Variants in MED12 observed in about 807,000 individuals in gnomAD.
MED12 encodes the protein mediator of RNA polymerase II transcription subunit 12.
A neutral mutation model predicts 177.7 loss-of-function variants in MED12; 10 were observed. The ratio of observed to expected loss-of-function variants is 0.06; its 90% confidence interval spans 0.03 to 0.10. The LOEUF is 0.10. Among genes scored for constraint, MED12 ranks in the 10% least tolerant of loss-of-function variants. The pLI is 1.00. For synonymous variants in MED12, 641 were observed against 678.4 expected (o/e 0.94, Z 0.86); for missense variants, 867 against 1,780.8 (o/e 0.49, Z 9.23).
intron 22 of MED12, 70 bp downstream of exon 22, chrX:71,128,190 G>T: frequency 8.4e-7 from 1 of 1,188,874 alleles, no homozygotes; most frequent in Non-Finnish European, 1.1e-6. Flanking sequence ...AGGTACCCGG[G>T]AGGTACTACA....
At chrX:71,135,321 A>G in intron 36 of MED12, 68 bp downstream of exon 36, 13 of 1,116,991 alleles carry the variant, frequency 1.2e-5, no homozygotes, top group Non-Finnish European at 1.4e-5. Context: ...TGCCTGCATC[A>G]GCTTTGTAGC....
chrX:71,127,192 T>G, intron 20 of MED12, 60 bp downstream of exon 20: 1 of 1,163,268 alleles, frequency 8.6e-7, no homozygotes, highest in Non-Finnish European at 1.2e-6. Context: ...GGAAGTGGCC[T>G]GGGAAGAGCA....
rs749587994 is a variant in MED12 at position 71,128,738 on chromosome X, C to A, written c.3475+20C>A. On this transcript the variant is annotated intron_variant, in intron 24 of 44. Transcript: ENST00000374080. ...ATGCTGGTGAACTACCAATCTGTAA[C>A]CCCTAGCATTTCTAGACCTCAAATT... The A allele has an allele frequency of 8.3e-7, 1 of 1,204,163 alleles. No homozygotes were observed. The highest frequency in any genetic ancestry group is 3.0e-5 in the East Asian group (1 of 33,843).
chrX:71,141,412 C>T (rs1313008209), intron 43 of MED12, 42 bp downstream of exon 43: 2 of 1,163,802 alleles, frequency 1.7e-6, no homozygotes, highest in African/African-American at 1.8e-5. Flanking sequence ...GACAGCTGCC[C>T]AGGTTGGGCA....
In MED12 at chrX:71,125,485, A is replaced by G; in HGVS notation, c.2361A>G (p.Thr787=). 2 of 1,211,198 alleles carry G rather than the reference A, an allele frequency of 1.7e-6. No homozygotes were observed. The highest frequency in any genetic ancestry group is 2.2e-6 in the Non-Finnish European group (2 of 895,116). The change falls in exon 16 of 45, where the codon ACA becomes ACG. Residue 787 remains threonine (T), a synonymous_variant. Coordinates refer to ENST00000374080, the MANE Select transcript of MED12 (RefSeq NM_005120.3). ...TGAAGGTTCTGAACCGCAAAGGGAC[A>G]GCAGAAACTGGTGGGTTTGAGGCTC... ...DILKVLNRKG[T]AETDQLAPIV...
chrX:71,123,632 C>A lies in MED12; in HGVS notation c.1656C>A (p.Ser552=). Reference sequence around the variant, plus strand: ...CAGAAGCCGCAGATGAGAAGGGTTCCATCGCCTCTGGCTCCCTTTCTGCTC... The same window carrying A: ...CAGAAGCCGCAGATGAGAAGGGTTCAATCGCCTCTGGCTCCCTTTCTGCTC... The part of the protein sequence containing the change: ...GESEAADEKG[S]IASGSLSAPS... Residue 552 remains serine, a synonymous_variant, in exon 12 of 45, where the codon TCC becomes TCA. Coordinates refer to ENST00000374080, the MANE Select transcript of MED12 (RefSeq NM_005120.3). 1.7e-6 allele frequency: 2 copies of A among 1,210,447 alleles called. No individual in the cohort carries two copies. Among genetic ancestry groups the A allele is most frequent in the Non-Finnish European group, 2.2e-6 (2 of 894,585 alleles).
chrX:71,121,837 A>C (rs975607823), intron 7 of MED12, 21 bp downstream of exon 7: 1 of 1,212,040 alleles, frequency 8.3e-7, no homozygotes, highest in Non-Finnish European at 1.1e-6. Context: ...GGCGGGCCCA[A>C]GGAAGCATTG....
rs769537760 is a variant in MED12 at position 71,123,730 on chromosome X, C to T, written c.1744+10C>T. On this transcript the variant is annotated intron_variant, in intron 12 of 44. Coordinates refer to ENST00000374080, the MANE Select transcript of MED12 (RefSeq NM_005120.3). ...CAGGCTCCCATGCTGAGTACGGACCCCTACCACTCTCTAGTTACCTCTGCC... is the reference window on the plus strand; with the variant it reads ...CAGGCTCCCATGCTGAGTACGGACCTCTACCACTCTCTAGTTACCTCTGCC... 5.9e-6 allele frequency: 7 copies of T among 1,186,942 alleles called. No homozygotes were observed. In the South Asian group the frequency reaches 9.2e-5, roughly 16 times the overall value.
chrX:71,132,141 A>G lies in MED12; in HGVS notation c.4188A>G (p.Thr1396=), dbSNP rs1362907106. 8.3e-7 allele frequency: 1 copy of G among 1,208,347 alleles called. No individual in the cohort carries two copies. The highest frequency in any genetic ancestry group is 3.0e-5 in the East Asian group (1 of 33,806). ...AGGTTTTCCAACAGTCAGCAGAGACAGGGTCATCTTCTGGAAGTACTGCAA... is the reference window on the plus strand; with the variant it reads ...AGGTTTTCCAACAGTCAGCAGAGACGGGGTCATCTTCTGGAAGTACTGCAA... The part of the protein sequence containing the change: ...TIEVFQQSAE[T]GSSSGSTASN... Residue 1396 remains threonine (T), a synonymous_variant, in exon 30 of 45, where the codon ACA becomes ACG. Coordinates refer to ENST00000374080, the MANE Select transcript of MED12 (RefSeq NM_005120.3).
At position 71,122,524 on chromosome X, in the gene MED12, G is replaced by A. The variant is rs752746769; in HGVS notation, c.1265G>A (p.Arg422Gln). 1.4e-5 allele frequency: 17 copies of A among 1,209,651 alleles called. No individual in the cohort carries two copies. The highest frequency in any genetic ancestry group is 2.3e-4 in the Middle Eastern group (1 of 4,359). The change falls in exon 9 of 45, where the codon CGG becomes CAG. Residue 422 changes from arginine (R) to glutamine (Q), a missense_variant. Transcript: ENST00000374080. ...ACATTGCAGGTCCGTGCAAAGTTGC[G>A]GGAGATCGAGCAGCAGATCAAGGAG... ...AFTQQVRAKLREIEQQIKERG... is the reference protein window; with the variant it reads ...AFTQQVRAKLQEIEQQIKERG...
At position 71,137,714 on chromosome X, in the gene MED12, T is replaced by C. The variant is rs1451715368; in HGVS notation, c.5827-12T>C. On this transcript the variant is annotated splice_polypyrimidine_tract_variant and intron_variant, in intron 40 of 44. Coordinates refer to ENST00000374080, the MANE Select transcript of MED12 (RefSeq NM_005120.3). ...TCTCGGCCCTGATTCCCTCTCTCCT[T>C]CTTCCCTCCAGGGCTATACTCCTTA... 2 of 1,207,257 alleles carry C rather than the reference T, an allele frequency of 1.7e-6. No homozygotes were observed. The highest frequency in any genetic ancestry group is 3.0e-5 in the East Asian group (1 of 33,699).
chrX:71,122,918 G>A (rs1347396357), intron 10 of MED12, 44 bp downstream of exon 10: 7 of 1,190,952 alleles, frequency 5.9e-6, no homozygotes, highest in Non-Finnish European at 8.0e-6. Context: ...CATTGCAAGA[G>A]CAATAATATG....
rs1569481100 is a variant in MED12 at position 71,122,805 on chromosome X, C to T, written c.1416C>T (p.Asp472=). The change falls in exon 10 of 45, where the codon GAC becomes GAT. Residue 472 remains aspartate (D), a synonymous_variant. Coordinates refer to ENST00000374080, the MANE Select transcript of MED12 (RefSeq NM_005120.3). ...VLDSHSFERS[D]FSNSLDSLCN... ...ACAGCCATAGTTTTGAACGCTCTGACTTCAGCAACTCTCTTGACTCCCTTT... is the reference window on the plus strand; with the variant it reads ...ACAGCCATAGTTTTGAACGCTCTGATTTCAGCAACTCTCTTGACTCCCTTT... The T allele has an allele frequency of 8.3e-7, 1 of 1,210,857 alleles. No individual in the cohort carries two copies. The highest frequency in any genetic ancestry group is 2.2e-5 in the Admixed American group (1 of 46,034).
Position 71,127,900 on chromosome X carries a change from T to G in MED12, c.2989T>G (p.Cys997Gly). The G allele has an allele frequency of 8.3e-7, 1 of 1,209,138 alleles. No homozygotes were observed. Among genetic ancestry groups the G allele is most frequent in the Non-Finnish European group, 1.1e-6 (1 of 893,260 alleles). Residue 997 changes from cysteine to glycine, a missense_variant, in exon 22 of 45, where the codon TGC becomes GGC. Physicochemically the swap from Cys to Gly is radical, Grantham distance 159. Around this residue, in one of 14 missense-constraint regions of MED12, gnomAD observed 70 missense variants for 143.6 expected, o/e 0.49. Transcript: ENST00000374080. Reference protein sequence around the residue: ...NKFGELFSDFCSKVKNTIYCN... With the variant: ...NKFGELFSDFGSKVKNTIYCN... ...TTTCCTCCATCCCTGCAGCGACTTTTGCTCAAAGGTGAAGAACACCATCTA... is the reference window on the plus strand; with the variant it reads ...TTTCCTCCATCCCTGCAGCGACTTTGGCTCAAAGGTGAAGAACACCATCTA...
rs1286622256 is a variant in MED12, at chrX:71,122,297, C to T, written c.1199C>T (p.Ala400Val). 8.3e-7 allele frequency: 1 copy of T among 1,211,639 alleles called. No individual in the cohort carries two copies. The highest frequency in any genetic ancestry group is 2.2e-5 in the Admixed American group (1 of 46,035). ...TCACCACTTGACCACTTGCCTATTG[C>T]CCCGTCCAACCTGCCCATGCCAGAG... Reference protein sequence around the residue: ...TGSPLDHLPIAPSNLPMPEGN... With the variant: ...TGSPLDHLPIVPSNLPMPEGN... The change falls in exon 8 of 45, where the codon GCC becomes GTC. Residue 400 changes from alanine to valine, a missense_variant. Physicochemically the swap from Ala to Val is moderately conservative, Grantham distance 64. This residue lies in a region of MED12 where 309 missense variants were observed against 556.3 expected (regional missense o/e 0.56). Coordinates refer to ENST00000374080, the MANE Select transcript of MED12 (RefSeq NM_005120.3).
At chrX:71,131,350 G>A (rs1358861788) in intron 28 of MED12, among the ~76,000 whole-genome samples, 200 bp from the exon 29 acceptor site, 1 of 110,908 alleles carries the variant, frequency 9.0e-6, no homozygotes, top group Non-Finnish European at 1.9e-5. Context: ...GGCTGGTCTT[G>A]AACTCCTGAC....
intron 7 of MED12, 75 bp downstream of exon 7, chrX:71,121,891 G>A: frequency 6.8e-6 from 8 of 1,183,373 alleles, no homozygotes; most frequent in South Asian, 1.8e-5. Context: ...CAGAGAATAG[G>A]GGTAATTCCA....
At chrX:71,125,809 GT>G (rs2092301706) in intron 17 of MED12, 96 bp downstream of exon 17, 1 of 811,624 alleles carries the variant, frequency 1.2e-6, no homozygotes, top group African/African-American at 2.1e-5. Flanking sequence ...GGTCCACATA[GT>G]CTGTGGTCCT....
chrX:71,123,449 G>A (rs1338353314), intron 11 of MED12, 145 bp from the exon 12 acceptor site: 1 of 781,732 alleles, frequency 1.3e-6, no homozygotes, highest in African/African-American at 2.1e-5. Flanking sequence ...CAGTTGGGAG[G>A]TGGTAAAGAA....
Sources: gnomAD v4.1 joint callset for allele counts (sites outside exome capture counted in the v4.1 genomes callset) on GRCh38, gnomAD v4.1.1 for gene constraint, gnomAD v4.1.1 regional missense constraint, MANE v1.5 for transcripts, NCBI Gene and HGNC (gene_info 2026-07-23, HGNC 2026-07-21) for gene names.